Variants in CCDC82 observed in about 807,000 individuals in gnomAD.
The protein encoded by CCDC82 is coiled-coil domain-containing protein 82.
In CCDC82, 47 loss-of-function variants were observed where a neutral mutation model predicts 60.6. The ratio of observed to expected loss-of-function variants is 0.77; its 90% CI spans 0.61 to 0.99. The LOEUF (loss-of-function observed/expected upper bound fraction) is 0.99. CCDC82 is among the 50% of genes least tolerant of loss of function. The pLI is 0.00. For missense variants in CCDC82, 588 were observed against 633.0 expected (o/e 0.93, Z 0.76); for synonymous variants, 212 against 207.4 (o/e 1.02, Z -0.19).
chr11:96,377,867 G>A (rs190630837), intron 5 of CCDC82, among the ~76,000 whole-genome samples: 20 of 151,814 alleles, frequency 1.3e-4, no homozygotes, highest in Admixed American at 1.2e-3. Context: ...AATGTGTTAC[G>A]CATTATGAAA....
At position 96,383,303 on chromosome 11, in the gene CCDC82, TGTA is replaced by T; in HGVS notation, c.954_956del (p.Thr319del). ...TCTGTTTTACTAATTTCAGTTGTGA[TGTA>T]GTCAATTTTTCTCCTTGTTGGTTTT... On this transcript the variant is annotated inframe_deletion, in exon 5 of 10. Coordinates refer to ENST00000646818, the MANE Select transcript of CCDC82 (RefSeq NM_024725.4). 6.2e-7 allele frequency: 1 copy of T among 1,602,498 alleles called. No homozygotes were observed. Among genetic ancestry groups the T allele is most frequent in the Non-Finnish European group, 8.5e-7 (1 of 1,170,638 alleles).
intron 5 of CCDC82, among the ~76,000 whole-genome samples, chr11:96,377,962 ACATT>A (rs1222533891): frequency 2.6e-5 from 4 of 152,046 alleles, no homozygotes; most frequent in Admixed American, 6.6e-5. Context: ...GATTTTTAGT[ACATT>A]CAAATTTTCT....
chr11:96,382,065 C>T, intron 5 of CCDC82: 1 of 151,928 alleles, frequency 6.6e-6, no homozygotes, highest in South Asian at 2.1e-4. Flanking sequence ...CTTTGTAGTA[C>T]TCTATAGGAT....
chr11:96,372,017 C>T (rs1430184348), intron 6 of CCDC82, among the ~76,000 whole-genome samples: 2 of 152,006 alleles, frequency 1.3e-5, no homozygotes, highest in South Asian at 2.1e-4. Flanking sequence ...ATTCAAACAC[C>T]TTACCATAGC....
chr11:96,357,351 A>T (rs1165148477), intron 9 of CCDC82: 3 of 985,078 alleles, frequency 3.0e-6, no homozygotes, highest in Non-Finnish European at 3.6e-6. Flanking sequence ...ACTGTCCTAG[A>T]CATGCACAAT....
intron 5 of CCDC82, among the ~76,000 whole-genome samples, chr11:96,375,205 A>T (rs1005005041): frequency 1.9e-4 from 29 of 152,164 alleles, no homozygotes; most frequent in African/African-American, 6.0e-4. Context: ...CTATCATACA[A>T]ATTGCATAGA....
Position 96,387,533 on chromosome 11 carries a change from A to C in CCDC82, c.-58T>G, listed in dbSNP as rs1251759533. On this transcript the variant is annotated 5_prime_UTR_variant, in exon 2 of 10. Transcript: ENST00000646818. ...ACATAGAGTTTAAATGACTTACCGA[A>C]GATCACGCAGCTTGTTAGTGACAGA... is the stretch of plus-strand genomic sequence containing the variant. 2 of 152,244 alleles carry C rather than the reference A, an allele frequency of 1.3e-5. No individual in the cohort carries two copies. Among genetic ancestry groups the C allele is most frequent in the South Asian group, 2.1e-4 (1 of 4,832 alleles). The allele number at this position is 152,244 out of a possible 1,614,324, so 9.4% of individuals were successfully genotyped here.
At position 96,371,075 on chromosome 11, in the gene CCDC82, G is replaced by A. The variant is rs748530491; in HGVS notation, c.1147C>T (p.Arg383Cys). Residue 383 changes from arginine (R) to cysteine (C), a missense_variant, in exon 7 of 10, where the codon CGC becomes TGC. Arg to Cys is a radical substitution (Grantham distance 180). Coordinates refer to ENST00000646818, the MANE Select transcript of CCDC82 (RefSeq NM_024725.4). ...MLTSLHYLDN[R>C]FVQPRLESLV... ...CTCTCTAGACGAGGCTGAACAAAGC[G>A]GTTATCCAAATAATGAAGAGATGTT... 23 of 1,606,372 alleles carry A rather than the reference G, an allele frequency of 1.4e-5. No homozygotes were observed. The highest frequency in any genetic ancestry group is 6.7e-5 in the African/African-American group (5 of 74,520).
intron 9 of CCDC82, 63 bp from the exon 10 acceptor site, chr11:96,353,777 G>T: frequency 9.2e-7 from 1 of 1,089,014 alleles, no homozygotes; most frequent in Non-Finnish European, 1.4e-6. Context: ...CTGGGCCTTT[G>T]CAAACTACAG....
Position 96,370,617 on chromosome 11 carries a change from ATATT to A in CCDC82, c.1209+392_1209+395del, listed in dbSNP as rs1156998336. On this transcript the variant is annotated intron_variant, in intron 7 of 9. Coordinates refer to ENST00000646818, the MANE Select transcript of CCDC82 (RefSeq NM_024725.4). ...TACTGCATTCCATACCACCCTTTGA[ATATT>A]TATAACATAAATTCACATATAATGC... Among the ~76,000 whole-genome samples, 5 of 152,306 alleles carry A rather than the reference ATATT, an allele frequency of 3.3e-5. No homozygotes were observed. In the East Asian group the frequency reaches 9.7e-4, roughly 29 times the overall value.
At chr11:96,359,469 T>C (rs1864518998) in intron 8 of CCDC82, among the ~76,000 whole-genome samples, 1 of 152,034 alleles carries the variant, frequency 6.6e-6, no homozygotes, top group Non-Finnish European at 1.5e-5. Flanking sequence ...AAATGGTATG[T>C]CCAAGATGCT....
chr11:96,373,057 C>T (rs1865369511), intron 6 of CCDC82, among the ~76,000 whole-genome samples: 1 of 152,096 alleles, frequency 6.6e-6, no homozygotes, highest in Admixed American at 6.6e-5. Flanking sequence ...AAATTCAGAG[C>T]TCAGAGAGGC....
chr11:96,389,823 G>A (rs1001650782), intron 1 of CCDC82, 21 bp downstream of exon 1: 2 of 153,154 alleles, frequency 1.3e-5, no homozygotes, highest in Non-Finnish European at 2.9e-5. Context: ...AGACAGCCCC[G>A]CACCGCCCTC....
intron 7 of CCDC82, among the ~76,000 whole-genome samples, chr11:96,370,589 A>G (rs1252610765): frequency 6.6e-6 from 1 of 152,180 alleles, no homozygotes; most frequent in Non-Finnish European, 1.5e-5. Context: ...CAAATTTAGG[A>G]AATACTGCAT....
At chr11:96,372,061 T>A (rs189039935) in intron 6 of CCDC82, among the ~76,000 whole-genome samples, 3 of 152,326 alleles carry the variant, frequency 2.0e-5, no homozygotes, top group African/African-American at 4.8e-5. Flanking sequence ...CCTACTCCTC[T>A]GAGCTCCTCT....
At chr11:96,388,203 T>G (rs1312186265) in intron 1 of CCDC82, 2 of 152,188 alleles carry the variant, frequency 1.3e-5, no homozygotes, top group East Asian at 3.8e-4. Context: ...AGGGAAAAGG[T>G]GAGTGAACCT....
At chr11:96,360,374 A>G (rs1355447046) in intron 8 of CCDC82, among the ~76,000 whole-genome samples, 1 of 146,096 alleles carries the variant, frequency 6.8e-6, no homozygotes, top group Non-Finnish European at 1.5e-5. Context: ...TTTTTTTTGT[A>G]TTTTTAGTAG....
At chr11:96,382,687 T>A (rs1865942108) in intron 5 of CCDC82, 1 of 151,882 alleles carries the variant, frequency 6.6e-6, no homozygotes, top group African/African-American at 2.4e-5. Flanking sequence ...AATTTTGGCA[T>A]AGTATCAAAT....
At chr11:96,382,904 C>T (rs1865954176) in intron 5 of CCDC82, 1 of 166,638 alleles carries the variant, frequency 6.0e-6, no homozygotes, top group African/African-American at 2.4e-5. Flanking sequence ...CCATTTATCA[C>T]ATTTTGGGGA....
Sources: gnomAD v4.1 joint callset for allele counts (sites outside exome capture counted in the v4.1 genomes callset) on GRCh38, gnomAD v4.1.1 for gene constraint, MANE v1.5 for transcripts, NCBI Gene and HGNC (gene_info 2026-07-23, HGNC 2026-07-21) for gene names.